The following WNT7A variants were observed in gnomAD, a reference collection of about 807,000 sequenced individuals.
The protein encoded by WNT7A is protein Wnt-7a.
A neutral mutation model predicts 28.2 loss-of-function variants in WNT7A; 16 were observed. The ratio of observed to expected loss-of-function variants is 0.57; its 90% CI spans 0.38 to 0.86. The LOEUF (loss-of-function observed/expected upper bound fraction) is 0.86. WNT7A is among the 40% of genes least tolerant of loss of function. The pLI, the probability that WNT7A is intolerant of heterozygous loss-of-function variation, is 0.00. For synonymous variants in WNT7A, 190 were observed against 195.9 expected, an observed-to-expected ratio of 0.97 and a Z score of 0.25; for missense variants, 411 against 489.7, an observed-to-expected ratio of 0.84 and a Z score of 1.52.
intron 3 of WNT7A, among the ~76,000 whole-genome samples, chr3:13,844,126 G>A (rs1232112680): frequency 6.6e-6 from 1 of 152,198 alleles, no homozygotes; most frequent in African/African-American, 2.4e-5. Context: ...TGAGAGCTAA[G>A]AAGAGGCTGC....
intron 2 of WNT7A, among the ~76,000 whole-genome samples, chr3:13,866,546 C>G (rs1694912504): frequency 6.6e-6 from 1 of 152,170 alleles, no homozygotes; most frequent in Admixed American, 6.5e-5. Flanking sequence ...CGGACAAGGA[C>G]AGGCAGTGTA....
At chr3:13,861,249 C>A (rs1441532022) in intron 2 of WNT7A, among the ~76,000 whole-genome samples, 3 of 152,244 alleles carry the variant, frequency 2.0e-5, no homozygotes, top group Non-Finnish European at 4.4e-5. Flanking sequence ...GATCCTCCAC[C>A]CCTGGCAGTG....
chr3:13,865,045 A>G lies in WNT7A; in HGVS notation c.298+9902T>C, dbSNP rs1694890019. Among the ~76,000 whole-genome samples, 4 of 152,188 alleles carry G rather than the reference A, an allele frequency of 2.6e-5. No homozygotes were observed. In the South Asian group the frequency reaches 8.3e-4, roughly 31 times the overall value. On this transcript the variant is annotated intron_variant, in intron 2 of 3. Coordinates refer to ENST00000285018, the MANE Select transcript of WNT7A (RefSeq NM_004625.4). The stretch of plus-strand genomic sequence containing the variant: ...TTTGGTAGATTCCAAGTTGACCTAT[A>G]AACCACATTCTGAGTATGGTCAAGC...
At chr3:13,854,497 C>T (rs199813917) in intron 3 of WNT7A, 35 bp downstream of exon 3, 243 of 1,613,592 alleles carry the variant, frequency 1.5e-4, no homozygotes, top group East Asian at 4.9e-4. Flanking sequence ...AGCATCTCCG[C>T]GAGCGCCGCC....
At position 13,879,821 on chromosome 3, in the gene WNT7A, C is replaced by G; in HGVS notation, c.-5G>C. 6.2e-7 allele frequency: 1 copy of G among 1,609,946 alleles called. No individual in the cohort carries two copies. Among genetic ancestry groups the G allele is most frequent in the Non-Finnish European group, 8.5e-7 (1 of 1,177,984 alleles). On this transcript the variant is annotated 5_prime_UTR_variant, in exon 1 of 4. Transcript: ENST00000285018. ...GCGCCGCGCTTTCCGGTTCATAGTC[C>G]CGATTGGCCGCCGGGGCCGCGGGCC...
At position 13,854,786 on chromosome 3, in the gene WNT7A, A is replaced by C; in HGVS notation, c.316T>G (p.Phe106Val). Residue 106 changes from phenylalanine to valine, a missense_variant, in exon 3 of 4, where the codon TTC (phenylalanine) becomes GTC (valine). Transcript: ENST00000285018. ...ELKVGSREAA[F>V]TYAIIAAGVA... ...CCGGCGGCAATGATGGCGTAGGTGA[A>C]CGCAGCCTCCCGGCTCCCTGCGAGG... 1.2e-6 allele frequency: 2 copies of C among 1,613,214 alleles called. No homozygotes were observed. Among genetic ancestry groups the C allele is most frequent in the Non-Finnish European group, 1.7e-6 (2 of 1,180,032 alleles).
chr3:13,838,590 C>T (rs921139145), intron 3 of WNT7A, among the ~76,000 whole-genome samples: 9 of 152,108 alleles, frequency 5.9e-5, no homozygotes, highest in Admixed American at 3.9e-4. Flanking sequence ...AGGCAGAGAA[C>T]GGGAGGTACC....
At chr3:13,831,199 C>G (rs1310000108) in intron 3 of WNT7A, among the ~76,000 whole-genome samples, 1 of 152,184 alleles carries the variant, frequency 6.6e-6, no homozygotes, top group Admixed American at 6.5e-5. Flanking sequence ...CCAAACCTCT[C>G]AGCAGACTGA....
chr3:13,830,574 G>T (rs1054928032), intron 3 of WNT7A, among the ~76,000 whole-genome samples: 1 of 152,002 alleles, frequency 6.6e-6, no homozygotes, highest in Non-Finnish European at 1.5e-5. Flanking sequence ...CAGCTTCCCA[G>T]TGGGTGATCC....
intron 3 of WNT7A, among the ~76,000 whole-genome samples, chr3:13,829,047 G>GA (rs1694239429): frequency 6.6e-6 from 1 of 152,050 alleles, no homozygotes; most frequent in Non-Finnish European, 1.5e-5. Context: ...CACATCGCCT[G>GA]AAAAAAACAG....
chr3:13,843,626 A>G (rs1350554704), intron 3 of WNT7A, among the ~76,000 whole-genome samples: 1 of 152,142 alleles, frequency 6.6e-6, no homozygotes, highest in African/African-American at 2.4e-5. Context: ...CTCACCTGCA[A>G]AACGGGCACA....
chr3:13,835,037 G>A (rs1334906573), intron 3 of WNT7A, among the ~76,000 whole-genome samples: 2 of 152,240 alleles, frequency 1.3e-5, no homozygotes, highest in Admixed American at 1.3e-4. Flanking sequence ...AGAACCAGAC[G>A]TTGAAGAGGA....
chr3:13,860,860 G>A (rs1694817124), intron 2 of WNT7A, among the ~76,000 whole-genome samples: 1 of 152,196 alleles, frequency 6.6e-6, no homozygotes, highest in African/African-American at 2.4e-5. Context: ...TATTGCTGTG[G>A]AAATGGGATG....
At chr3:13,870,830 C>T (rs980077769) in intron 2 of WNT7A, among the ~76,000 whole-genome samples, 12 of 152,348 alleles carry the variant, frequency 7.9e-5, no homozygotes, top group East Asian at 3.9e-4. Context: ...CAGTCCATTT[C>T]GAAAGTCAGC....
At chr3:13,832,585 A>T (rs1694299051) in intron 3 of WNT7A, among the ~76,000 whole-genome samples, 2 of 151,980 alleles carry the variant, frequency 1.3e-5, no homozygotes, top group South Asian at 4.2e-4. Context: ...TCTTAGCAGA[A>T]AGCTGCATTT....
chr3:13,866,154 C>A (rs1694907009), intron 2 of WNT7A, among the ~76,000 whole-genome samples: 1 of 152,240 alleles, frequency 6.6e-6, no homozygotes, highest in Non-Finnish European at 1.5e-5. Flanking sequence ...TGCTCTGGTA[C>A]CTGTGATGTC....
intron 2 of WNT7A, among the ~76,000 whole-genome samples, chr3:13,865,969 G>C (rs1403624350): frequency 6.6e-6 from 1 of 152,248 alleles, no homozygotes; most frequent in African/African-American, 2.4e-5. Context: ...TGTCAGGGAA[G>C]GGTGGAGGGT....
In WNT7A at chr3:13,821,516, C is replaced by T. The variant is rs574583622; in HGVS notation, c.571-2093G>A. ...TTCATAATCGCTCTGACCTGGGCAC[C>T]ATCCAGATGACCATCCATAGTGAGT... is the stretch of plus-strand genomic sequence containing the variant. On this transcript the variant is annotated intron_variant, in intron 3 of 3. Coordinates refer to ENST00000285018, the MANE Select transcript of WNT7A (RefSeq NM_004625.4). Among the ~76,000 whole-genome samples the T allele has an allele frequency of 1.3e-3, 192 of 152,326 alleles. 1 individual carries two copies. Among genetic ancestry groups the T allele is most frequent in the Non-Finnish European group, 2.2e-3 (152 of 68,038 alleles).
intron 3 of WNT7A, among the ~76,000 whole-genome samples, chr3:13,838,475 C>T (rs558964855): frequency 6.6e-5 from 10 of 152,210 alleles, no homozygotes; most frequent in Non-Finnish European, 1.3e-4. Context: ...GCTGGGTCAC[C>T]CTCAGGATAC....
Sources: allele counts gnomAD v4.1 joint callset (sites outside exome capture counted in the v4.1 genomes callset), GRCh38; gene constraint gnomAD v4.1.1; transcripts MANE v1.5; gene names NCBI Gene and HGNC (gene_info 2026-07-23, HGNC 2026-07-21).